The following DOCK10 variants were observed in gnomAD, a reference collection of about 807,000 sequenced individuals.
DOCK10 encodes the protein dedicator of cytokinesis protein 10.
In DOCK10, 145 loss-of-function variants were observed where a neutral mutation model predicts 280.1. The ratio of observed to expected loss-of-function variants is 0.52; its 90% CI spans 0.45 to 0.59. DOCK10 has a LOEUF of 0.59. Ranked by LOEUF, DOCK10 falls within the 20% of genes least tolerant of loss-of-function variation. DOCK10 has a pLI of 0.00. For synonymous variants in DOCK10, 915 were observed against 942.2 expected, an observed-to-expected ratio of 0.97 and a Z score of 0.53; for missense variants, 2,368 against 2,651.7, an observed-to-expected ratio of 0.89 and a Z score of 2.35.
chr2:224,958,868 C>T (rs1328100289), intron 1 of DOCK10, among the ~76,000 whole-genome samples: 1 of 152,120 alleles, frequency 6.6e-6, no homozygotes, highest in East Asian at 1.9e-4. Context: ...TTTGTTTTCT[C>T]CCCGTCTTCC....
At chr2:224,800,541 C>T (rs991869014) in intron 40 of DOCK10, among the ~76,000 whole-genome samples, 20 of 152,068 alleles carry the variant, frequency 1.3e-4, no homozygotes, top group Non-Finnish European at 2.8e-4. Flanking sequence ...ATATTTCTTT[C>T]ATAATCAGGC....
chr2:224,899,725 T>G (rs1232381148), intron 3 of DOCK10, among the ~76,000 whole-genome samples: 2 of 152,106 alleles, frequency 1.3e-5, no homozygotes, highest in Non-Finnish European at 2.9e-5. Flanking sequence ...TATATCGTCA[T>G]GCATATGGCC....
intron 1 of DOCK10, among the ~76,000 whole-genome samples, chr2:224,944,327 A>C (rs2126091177): frequency 6.6e-6 from 1 of 152,338 alleles, no homozygotes; most frequent in Non-Finnish European, 1.5e-5. Flanking sequence ...TCGACTGCTG[A>C]AGGCACTAGA....
At chr2:224,961,353 T>C (rs1704373238) in intron 1 of DOCK10, among the ~76,000 whole-genome samples, 1 of 152,238 alleles carries the variant, frequency 6.6e-6, no homozygotes, top group Non-Finnish European at 1.5e-5. Context: ...CTCTCCAGTC[T>C]GTAGTATGTG....
chr2:224,814,423 G>A lies in DOCK10; in HGVS notation c.3365-59C>T, dbSNP rs960925096. 6.5e-6 allele frequency: 6 copies of A among 926,850 alleles called. No individual in the cohort carries two copies. In the African/African-American group the frequency reaches 8.6e-5, roughly 13 times the overall value. 57.4% of individuals were successfully genotyped at this position (926,850 alleles called of 1,614,324 possible). On this transcript the variant is annotated intron_variant, in intron 30 of 55. Transcript: ENST00000258390. The stretch of plus-strand genomic sequence containing the variant: ...TACATATACATACTCAGATACATAT[G>A]TATTCATTATGTGTAGTTTATACTG...
chr2:224,969,704 C>T, intron 1 of DOCK10, among the ~76,000 whole-genome samples: 1 of 152,182 alleles, frequency 6.6e-6, no homozygotes, highest in East Asian at 1.9e-4. Flanking sequence ...GCATTCTTTT[C>T]AACAGCATGG....
intron 22 of DOCK10, among the ~76,000 whole-genome samples, chr2:224,843,723 G>T (rs995536952): frequency 5.3e-5 from 8 of 152,164 alleles, no homozygotes; most frequent in African/African-American, 1.9e-4. Flanking sequence ...TTATAATAAT[G>T]TATAGTTTAT....
At chr2:224,923,634 G>C (rs972119743) in intron 2 of DOCK10, among the ~76,000 whole-genome samples, 2 of 152,194 alleles carry the variant, frequency 1.3e-5, no homozygotes, top group African/African-American at 4.8e-5. Flanking sequence ...GAGCGGCCCA[G>C]CACTGCCAGC....
intron 1 of DOCK10, among the ~76,000 whole-genome samples, chr2:224,947,920 T>C (rs1412509476): frequency 2.0e-5 from 3 of 152,246 alleles, no homozygotes; most frequent in African/African-American, 7.2e-5. Flanking sequence ...TAAATATATG[T>C]TTAATAAAGA....
chr2:225,016,604 GATACATATATCT>G (rs1559962803), intron 1 of DOCK10, among the ~76,000 whole-genome samples: 27 of 101,740 alleles, frequency 2.7e-4, no homozygotes, highest in African/African-American at 8.7e-4. Context: ...TGTGCACATA[GATACATATATCT>G]ATGTGCACAT....
chr2:224,956,358 C>G (rs373398580), intron 1 of DOCK10, among the ~76,000 whole-genome samples: 38 of 152,234 alleles, frequency 2.5e-4, no homozygotes, highest in African/African-American at 7.7e-4. Context: ...CACGGTGGCT[C>G]ATGCCTGTAA....
At chr2:224,921,104 A>ATATATAT (rs1553613910) in intron 2 of DOCK10, among the ~76,000 whole-genome samples, 2 of 50,012 alleles carry the variant, frequency 4.0e-5, no homozygotes, top group African/African-American at 1.2e-4. Context: ...AAAAAAAAAA[A>ATATATAT]AAAAAAAAAT....
intron 1 of DOCK10, among the ~76,000 whole-genome samples, chr2:225,014,093 T>G (rs1021520504): frequency 1.5e-4 from 15 of 101,124 alleles, no homozygotes; most frequent in African/African-American, 5.9e-4. Context: ...TGTTTTTTTT[T>G]TTTTGTTTTT....
chr2:225,018,732 A>AAT (rs57352498), intron 1 of DOCK10, among the ~76,000 whole-genome samples: 9,200 of 37,948 alleles, frequency 0.24, 933 homozygotes, highest in Non-Finnish European at 0.29. Flanking sequence ...ATTTCATGTA[A>AAT]ATATATATAT....
intron 7 of DOCK10, among the ~76,000 whole-genome samples, chr2:224,882,015 A>G (rs1008825869): frequency 6.6e-6 from 1 of 152,328 alleles, no homozygotes; most frequent in Non-Finnish European, 1.5e-5. Flanking sequence ...CTTGGAACCC[A>G]TATCCACATG....
At chr2:224,822,932 T>C (rs1694593795) in intron 28 of DOCK10, among the ~76,000 whole-genome samples, 1 of 151,970 alleles carries the variant, frequency 6.6e-6, no homozygotes, top group South Asian at 2.1e-4. Context: ...AGAAATACTA[T>C]GATTTGACTG....
At position 224,863,262 on chromosome 2, in the gene DOCK10, T is replaced by G. The variant is rs1697645770; in HGVS notation, c.1603-516A>C. On this transcript the variant is annotated intron_variant, in intron 13 of 55. Coordinates refer to ENST00000258390, the MANE Select transcript of DOCK10 (RefSeq NM_014689.3). ...GTGACTGTGTTTCAATAAAACTTTA[T>G]TTATCAAAACAGAAGGTAGGCTGGA... is the stretch of plus-strand genomic sequence containing the variant. 1.3e-5 allele frequency among the ~76,000 whole-genome samples: 2 copies of G among 152,176 alleles called. 1 individual carries two copies. The highest frequency in any genetic ancestry group is 4.1e-4 in the South Asian group (2 of 4,830).
At chr2:224,997,333 G>C (rs1441126125) in intron 1 of DOCK10, among the ~76,000 whole-genome samples, 27 of 151,894 alleles carry the variant, frequency 1.8e-4, no homozygotes, top group Admixed American at 1.7e-3. Context: ...CCGGGTTCAT[G>C]TGATTCTCCT....
chr2:224,972,112 T>G (rs1372161341), intron 1 of DOCK10, among the ~76,000 whole-genome samples: 1 of 152,194 alleles, frequency 6.6e-6, no homozygotes, highest in African/African-American at 2.4e-5. Context: ...CACAATATCC[T>G]TCAGAGGGAC....
Sources: allele counts gnomAD v4.1 joint callset (sites outside exome capture counted in the v4.1 genomes callset), GRCh38; gene constraint gnomAD v4.1.1; transcripts MANE v1.5; gene names NCBI Gene and HGNC (gene_info 2026-07-23, HGNC 2026-07-21).